Variants in DPRX observed in about 807,000 individuals in gnomAD.
DPRX encodes divergent paired-related homeobox.
Under a neutral mutation model 8.4 loss-of-function variants are expected in DPRX, and 11 were observed. The observed-to-expected ratio is 1.31, with a 90% CI of 0.82 to 2.17. The LOEUF (loss-of-function observed/expected upper bound fraction) is 2.17. Among genes scored for constraint, DPRX ranks in the 30% most tolerant of loss-of-function variants. The pLI is 0.00. For missense variants in DPRX, 211 were observed against 236.7 expected (o/e 0.89, Z 0.71); for synonymous variants, 72 against 87.0 (o/e 0.83, Z 0.96).
At chr19:53,616,088 A>C in the DPRX span, among the ~76,000 whole-genome samples, 1 of 151,232 alleles carries the variant, frequency 6.6e-6, no homozygotes, top group Non-Finnish European at 1.5e-5. Context: ...CCCTGTCTCT[A>C]CTAAAAGTAC....
chr19:53,620,279 C>T, the DPRX span, among the ~76,000 whole-genome samples: 10 of 151,968 alleles, frequency 6.6e-5, no homozygotes. Context: ...CCATGTTAGC[C>T]AGGATGGTCT....
the DPRX span, among the ~76,000 whole-genome samples, chr19:53,602,506 A>G: frequency 6.7e-6 from 1 of 149,618 alleles, no homozygotes; most frequent in East Asian, 2.0e-4. Context: ...ATTACAGGTA[A>G]CTGCCACCAC....
chr19:53,618,736 G>A, the DPRX span, among the ~76,000 whole-genome samples: 7 of 148,948 alleles, frequency 4.7e-5, no homozygotes, highest in African/African-American at 1.7e-4. Flanking sequence ...AGGCTGGAGT[G>A]CAGTGGCACT....
At chr19:53,613,727 G>A in the DPRX span, among the ~76,000 whole-genome samples, 2 of 151,658 alleles carry the variant, frequency 1.3e-5, no homozygotes, top group South Asian at 2.1e-4. Context: ...AACCCCAAAC[G>A]ATGCGTTTGG....
the DPRX span, among the ~76,000 whole-genome samples, chr19:53,624,044 G>C: frequency 6.9e-6 from 1 of 145,132 alleles, no homozygotes; most frequent in Non-Finnish European, 1.5e-5. Context: ...GCGATGTAAA[G>C]AGTGTATTTC....
At chr19:53,632,011 C>T (rs1206227047), upstream of DPRX, 19 of 1,547,430 alleles carry the variant, frequency 1.2e-5, no homozygotes, top group Admixed American at 1.4e-4. Context: ...AGGTGGGAGT[C>T]GGGTGTGGCT....
the DPRX span, chr19:53,604,539 A>G: frequency 9.2e-5 from 14 of 152,738 alleles, no homozygotes; most frequent in East Asian, 1.4e-3. Context: ...GTGAGTTCCA[A>G]TGTTCCACAG....
At chr19:53,624,463 C>G in the DPRX span, among the ~76,000 whole-genome samples, 1 of 150,562 alleles carries the variant, frequency 6.6e-6, no homozygotes, top group African/African-American at 2.5e-5. Flanking sequence ...AGTGCAGTGG[C>G]TTGATCTTGG....
chr19:53,619,854 CAAAAAA>C, the DPRX span, among the ~76,000 whole-genome samples: 1 of 111,092 alleles, frequency 9.0e-6, no homozygotes, highest in Non-Finnish European at 1.8e-5. Context: ...GACTCTATCT[CAAAAAA>C]AAAAAAAAAA....
upstream of DPRX, chr19:53,632,012 G>C (rs754704924): frequency 1.3e-6 from 2 of 1,554,430 alleles, no homozygotes; most frequent in Non-Finnish European, 1.8e-6. Flanking sequence ...GGTGGGAGTC[G>C]GGTGTGGCTG....
chr19:53,611,950 G>C, the DPRX span, among the ~76,000 whole-genome samples: 5 of 152,094 alleles, frequency 3.3e-5, no homozygotes, highest in South Asian at 6.2e-4. Context: ...CGGGCATGGT[G>C]GTGGGCGCCT....
At chr19:53,633,446 C>T (rs903088317) in intron 1 of DPRX, among the ~76,000 whole-genome samples, 1 of 152,166 alleles carries the variant, frequency 6.6e-6, no homozygotes, top group Admixed American at 6.6e-5. Context: ...CCTATTTCTA[C>T]ACAAAGAAAA....
At chr19:53,632,547 G>A (rs1448648434) in intron 1 of DPRX, among the ~76,000 whole-genome samples, 2 of 151,696 alleles carry the variant, frequency 1.3e-5, no homozygotes, top group Non-Finnish European at 2.9e-5. Flanking sequence ...CTGACCTTGT[G>A]ATCCGTCTGG....
chr19:53,624,125 T>C, the DPRX span, among the ~76,000 whole-genome samples: 2 of 134,114 alleles, frequency 1.5e-5, no homozygotes, highest in South Asian at 5.4e-4. Flanking sequence ...TCTTGCTCTG[T>C]CACCCAGGCT....
chr19:53,623,832 C>A, the DPRX span, among the ~76,000 whole-genome samples: 1 of 151,680 alleles, frequency 6.6e-6, no homozygotes, highest in East Asian at 2.0e-4. Context: ...CGCCTGTAAT[C>A]CCAGTTACTC....
the DPRX span, chr19:53,616,971 G>A: frequency 2.8e-5 from 33 of 1,197,098 alleles, no homozygotes; most frequent in Non-Finnish European, 3.7e-5. Context: ...CGGTTGAACC[G>A]CCAGGTGTTG....
chr19:53,634,633 G>A, exon 2 of DPRX: 1 of 1,614,004 alleles, frequency 6.2e-7, no homozygotes, highest in Non-Finnish European at 8.5e-7. Flanking sequence ...CCAAACCCCA[G>A]CCTTCAGAAA....
At chr19:53,636,505 C>T (rs1719075044) in intron 2 of DPRX, 91 bp from the exon 3 acceptor site, 10 of 1,066,492 alleles carry the variant, frequency 9.4e-6, no homozygotes, top group Non-Finnish European at 1.2e-5. Flanking sequence ...ATACGTTTAA[C>T]AAAATAAAAA....
At chr19:53,610,726 C>T in the DPRX span, among the ~76,000 whole-genome samples, 1 of 152,068 alleles carries the variant, frequency 6.6e-6, no homozygotes, top group Non-Finnish European at 1.5e-5. Flanking sequence ...TAAAACATTA[C>T]GAGTTTGTTT....
Sources: gnomAD v4.1 joint callset for allele counts (sites outside exome capture counted in the v4.1 genomes callset) on GRCh38, gnomAD v4.1.1 for gene constraint, MANE v1.5 for transcripts, NCBI Gene and HGNC (gene_info 2026-07-23, HGNC 2026-07-21) for gene names.